Variants in PSMB5 observed in about 807,000 individuals in gnomAD.
PSMB5 encodes proteasome subunit beta type-5.
Under a neutral mutation model 22.8 loss-of-function variants are expected in PSMB5, and 2 were observed. The ratio of observed to expected loss-of-function variants is 0.09; its 90% CI spans 0.04 to 0.28. PSMB5 has a LOEUF of 0.28. PSMB5 is among the 10% of genes least tolerant of loss of function. The pLI, the probability that PSMB5 is intolerant of heterozygous loss-of-function variation, is 1.00. For missense variants in PSMB5, 269 were observed against 343.8 expected (o/e 0.78, Z 1.72); for synonymous variants, 133 against 135.3 (o/e 0.98, Z 0.12).
rs750438167 is a variant in PSMB5, at chr14:23,026,319, C to G, written c.562G>C (p.Gly188Arg). 1.2e-6 allele frequency: 2 copies of G among 1,613,996 alleles called. No homozygotes were observed. ...CCATATGCATACACAGAGCCAGAAC[C>G]TACAGAGAAGGTGGCCCCTGAAATC... is the stretch of plus-strand genomic sequence containing the variant. ...NRISGATFSV[G>R]SGSVYAYGVM... Residue 188 changes from glycine (G) to arginine (R), a missense_variant, in exon 3 of 3, where the codon GGT becomes CGT. Transcript: ENST00000361611.
intron 2 of PSMB5, among the ~76,000 whole-genome samples, chr14:23,028,676 T>C (rs748014566): frequency 3.2e-4 from 48 of 152,338 alleles, no homozygotes; most frequent in Non-Finnish European, 5.9e-4. Context: ...ATACTGTCTA[T>C]GGTTGTTTTG....
chr14:23,030,504 A>C (rs866035610), intron 2 of PSMB5, among the ~76,000 whole-genome samples: 1 of 151,700 alleles, frequency 6.6e-6, no homozygotes. Context: ...AAAAAAAAAA[A>C]GGTTATTTAT....
At chr14:23,032,076 G>A (rs528492279) in intron 2 of PSMB5, among the ~76,000 whole-genome samples, 37 of 152,188 alleles carry the variant, frequency 2.4e-4, no homozygotes, top group African/African-American at 8.4e-4. Context: ...GCGACAGAGC[G>A]AGACTCCATC....
intron 2 of PSMB5, chr14:23,027,872 A>G: frequency 6.8e-7 from 1 of 1,462,192 alleles, no homozygotes. Context: ...GGCCAGGCGC[A>G]GTGGCTCAAA....
At chr14:23,030,006 C>T (rs923206420) in intron 2 of PSMB5, among the ~76,000 whole-genome samples, 11 of 151,850 alleles carry the variant, frequency 7.2e-5, no homozygotes, top group African/African-American at 2.7e-4. Context: ...TGGTCTCGAT[C>T]TCCTGGCCTC....
Position 23,034,506 on chromosome 14 carries a change from G to C in PSMB5, c.198+178C>G, listed in dbSNP as rs904651563. ...GCCCCACCGCCACCCTTTCCAACCA[G>C]AGCAAAGACAGGGGCCTCCTGGGCC... On this transcript the variant is annotated intron_variant, in intron 1 of 2. Transcript: ENST00000361611. 7.8e-5 allele frequency: 56 copies of C among 722,156 alleles called. No individual in the cohort carries two copies. In the East Asian group the frequency reaches 1.5e-3, roughly 20 times the overall value. 44.7% of individuals were successfully genotyped at this position (722,156 alleles called of 1,614,324 possible). A position where few individuals can be genotyped will look rare whatever the true frequency, so the allele number is the denominator to read the frequency against.
chr14:23,034,896 G>C lies in PSMB5; in HGVS notation c.-15C>G, dbSNP rs775994652. ...GCAAGCGCCATGTCTAGTGTGGGCA[G>C]AAAGAACTAATTCTGAGAACGCCTA... is the stretch of plus-strand genomic sequence containing the variant. On this transcript the variant is annotated 5_prime_UTR_variant, in exon 1 of 3. Coordinates refer to ENST00000361611, the MANE Select transcript of PSMB5 (RefSeq NM_002797.5). The C allele has an allele frequency of 6.2e-7, 1 of 1,611,666 alleles. No homozygotes were observed. The highest frequency in any genetic ancestry group is 8.5e-7 in the Non-Finnish European group (1 of 1,178,956).
chr14:23,034,678 C>T lies in PSMB5; in HGVS notation c.198+6G>A, dbSNP rs2139924178. The stretch of plus-strand genomic sequence containing the variant: ...ACTCAGCCTGGCAAGGGGGCTGGCT[C>T]CACACCTTGAAGGCCAGGGTGGTTG... On this transcript the variant is annotated splice_donor_region_variant and intron_variant, in intron 1 of 2. Transcript: ENST00000361611. 1.2e-6 allele frequency: 2 copies of T among 1,613,850 alleles called. No homozygotes were observed. Among genetic ancestry groups the T allele is most frequent in the Non-Finnish European group, 1.7e-6 (2 of 1,179,946 alleles).
intron 2 of PSMB5, chr14:23,027,842 A>T (rs760874814): frequency 1.3e-6 from 2 of 1,535,026 alleles, no homozygotes; most frequent in South Asian, 2.4e-5. Context: ...GTGAAAGATA[A>T]CATTTAAAAC....
intron 2 of PSMB5, among the ~76,000 whole-genome samples, chr14:23,029,222 T>C (rs1198002429): frequency 6.6e-6 from 1 of 152,132 alleles, no homozygotes; most frequent in African/African-American, 2.4e-5. Context: ...GATGTCTACC[T>C]TACTCCTTTC....
At chr14:23,034,420 AC>A (rs2046976542) in intron 1 of PSMB5, 1 of 442,172 alleles carries the variant, frequency 2.3e-6, no homozygotes, top group Admixed American at 3.8e-5. Context: ...AACAGCAGCA[AC>A]CTGGGGTCGC....
chr14:23,035,069 G>A (rs894983991), upstream of PSMB5: 21 of 1,178,638 alleles, frequency 1.8e-5, no homozygotes, highest in African/African-American at 2.2e-4. Context: ...GGGGGTCGGG[G>A]AAATAGATGG....
intron 2 of PSMB5, among the ~76,000 whole-genome samples, chr14:23,030,228 G>C (rs564646553): frequency 3.8e-4 from 57 of 150,162 alleles, no homozygotes; most frequent in African/African-American, 1.3e-3. Flanking sequence ...TGTGGCTCAC[G>C]CCTGCAATCC....
intron 2 of PSMB5, chr14:23,027,884 C>CCGTA: frequency 7.2e-7 from 1 of 1,389,168 alleles, no homozygotes; most frequent in Non-Finnish European, 9.9e-7. Context: ...TGGCTCAAAC[C>CCGTA]CGTAATCCCA....
At chr14:23,030,818 C>T (rs112854253) in intron 2 of PSMB5, among the ~76,000 whole-genome samples, 75 of 151,856 alleles carry the variant, frequency 4.9e-4, no homozygotes, top group African/African-American at 1.7e-3. Flanking sequence ...CCCAGCTACT[C>T]GGGAGGCTGA....
chr14:23,028,293 G>A (rs2046930624), intron 2 of PSMB5, among the ~76,000 whole-genome samples: 2 of 152,226 alleles, frequency 1.3e-5, no homozygotes, highest in South Asian at 4.1e-4. Flanking sequence ...ACTCCATAAT[G>A]CCAGAACTCA....
intron 2 of PSMB5, chr14:23,027,646 T>G: frequency 1.2e-6 from 1 of 841,762 alleles, no homozygotes. Flanking sequence ...AGATGCTGTC[T>G]TCAGGAAAAA....
chr14:23,030,010 T>C (rs754577380), intron 2 of PSMB5, among the ~76,000 whole-genome samples: 40 of 151,942 alleles, frequency 2.6e-4, no homozygotes, highest in Non-Finnish European at 4.4e-4. Flanking sequence ...CTCGATCTCC[T>C]GGCCTCGTGA....
rs1308772103 is a variant in PSMB5, at chr14:23,029,600, G to A, written c.506-3225C>T. On this transcript the variant is annotated intron_variant, in intron 2 of 2. Transcript: ENST00000361611. ...TCTTTCTTGTTTCCCAAGCTGGAGT[G>A]CAATGGCACAATCTCAGCTTACTGC... is the stretch of plus-strand genomic sequence containing the variant. Among the ~76,000 whole-genome samples, 12 of 152,334 alleles carry A rather than the reference G, an allele frequency of 7.9e-5. 1 individual carries two copies. The South Asian group carries it at 1.0e-3, about 13-fold the overall frequency.
Sources: allele counts gnomAD v4.1 joint callset (sites outside exome capture counted in the v4.1 genomes callset), GRCh38; gene constraint gnomAD v4.1.1; transcripts MANE v1.5; gene names NCBI Gene and HGNC (gene_info 2026-07-23, HGNC 2026-07-21).